AKT3: variants seen among roughly 807,000 people sequenced by gnomAD.
The protein encoded by AKT3 is AKT serine/threonine kinase 3.
AKT3 carries 15 observed loss-of-function variants against 65.3 expected under a neutral mutation model. The observed-to-expected ratio is 0.23, with a 90% CI of 0.15 to 0.35. The LOEUF (loss-of-function observed/expected upper bound fraction) is 0.35, where lower values mean the gene tolerates loss of function less well. Ranked by LOEUF, AKT3 falls within the 10% of genes least tolerant of loss-of-function variation. AKT3 has a pLI of 1.00. For synonymous variants in AKT3, 206 were observed against 183.8 expected (o/e 1.12, Z -0.98); for missense variants, 243 against 576.5 (o/e 0.42, Z 5.92).
chr1:243,585,215 C>A (rs772989850), intron 8 of AKT3, among the ~76,000 whole-genome samples: 2 of 151,998 alleles, frequency 1.3e-5, no homozygotes, highest in African/African-American at 4.8e-5. Context: ...CTACAAGACA[C>A]CGTTAAAAGA....
intron 3 of AKT3, among the ~76,000 whole-genome samples, chr1:243,680,417 T>A (rs542061915): frequency 6.6e-6 from 1 of 152,180 alleles, no homozygotes; most frequent in Non-Finnish European, 1.5e-5. Flanking sequence ...GGCACCCTAG[T>A]CTCTTTTCTC....
intron 2 of AKT3, among the ~76,000 whole-genome samples, chr1:243,784,640 G>T (rs1356195913): frequency 6.6e-6 from 1 of 152,164 alleles, no homozygotes. Context: ...CCTCATGCCG[G>T]GTGATACTGC....
At chr1:243,528,118 T>C (rs1279905680) in intron 12 of AKT3, among the ~76,000 whole-genome samples, 1 of 152,196 alleles carries the variant, frequency 6.6e-6, no homozygotes, top group Admixed American at 6.5e-5. Flanking sequence ...AGGTTAGCTA[T>C]GCTTCAGAGA....
intron 2 of AKT3, among the ~76,000 whole-genome samples, chr1:243,726,323 T>C (rs1009578118): frequency 1.2e-4 from 19 of 152,190 alleles, no homozygotes; most frequent in Non-Finnish European, 2.6e-4. Flanking sequence ...GGAAAAATTA[T>C]CTGGATGAAG....
At chr1:243,797,573 C>A (rs1692099157) in intron 2 of AKT3, among the ~76,000 whole-genome samples, 1 of 152,284 alleles carries the variant, frequency 6.6e-6, no homozygotes, top group East Asian at 1.9e-4. Flanking sequence ...TAGCACCTCC[C>A]AATCCCAACA....
intron 2 of AKT3, among the ~76,000 whole-genome samples, chr1:243,697,619 T>C (rs1003445860): frequency 4.6e-5 from 7 of 152,090 alleles, no homozygotes; most frequent in African/African-American, 1.4e-4. Flanking sequence ...ATTGGTCACA[T>C]AGAAAACCCT....
chr1:243,664,606 T>G (rs963991019), intron 4 of AKT3, among the ~76,000 whole-genome samples, 166 bp downstream of exon 4: 1 of 152,168 alleles, frequency 6.6e-6, no homozygotes, highest in Non-Finnish European at 1.5e-5. Context: ...AAATATTATT[T>G]TGTAAGCCAC....
chr1:243,799,410 T>C (rs1692245096), intron 2 of AKT3, among the ~76,000 whole-genome samples: 2 of 152,176 alleles, frequency 1.3e-5, no homozygotes, highest in African/African-American at 4.8e-5. Context: ...AACTGCACAT[T>C]TACCACAAAA....
chr1:243,849,288 C>A (rs1018996885), intron 1 of AKT3, among the ~76,000 whole-genome samples: 9 of 152,284 alleles, frequency 5.9e-5, no homozygotes, highest in Admixed American at 5.9e-4. Context: ...CCAGCATCTT[C>A]CGCACATTTC....
intron 6 of AKT3, among the ~76,000 whole-genome samples, chr1:243,629,230 T>G (rs1679411940): frequency 6.6e-6 from 1 of 152,018 alleles, no homozygotes; most frequent in East Asian, 1.9e-4. Context: ...GAGCTGAGTT[T>G]GCACCATTGC....
chr1:243,751,160 G>C (rs1281919227), intron 2 of AKT3, among the ~76,000 whole-genome samples: 1 of 150,578 alleles, frequency 6.6e-6, no homozygotes, highest in Non-Finnish European at 1.5e-5. Flanking sequence ...AAAAAAAAAA[G>C]ACTCTGAAAG....
chr1:243,627,679 C>T (rs1679284584), intron 6 of AKT3, among the ~76,000 whole-genome samples: 1 of 152,196 alleles, frequency 6.6e-6, no homozygotes, highest in Admixed American at 6.5e-5. Flanking sequence ...CAGGGTCTAA[C>T]CAAACTGTGA....
rs1572326962 is a variant in AKT3 at position 243,774,237 on chromosome 1, C to A, written c.46+68888G>T. ...TTACACTGTGAAATATAAACACCTG[C>A]CATAGTTCTACATACTACAAACTTT... On this transcript the variant is annotated intron_variant, in intron 2 of 13. Transcript: ENST00000673466. Among the ~76,000 whole-genome samples the A allele has an allele frequency of 2.0e-5, 3 of 152,178 alleles. No homozygotes were observed. The South Asian group carries it at 6.2e-4, about 32-fold the overall frequency.
In AKT3 at chr1:243,682,345, A is replaced by G. The variant is rs755678240; in HGVS notation, c.172+13246T>C. Among the ~76,000 whole-genome samples, 95 of 152,270 alleles carry G rather than the reference A, an allele frequency of 6.2e-4. 1 individual carries two copies. Among genetic ancestry groups the G allele is most frequent in the Admixed American group, 5.9e-4 (9 of 15,288 alleles). On this transcript the variant is annotated intron_variant, in intron 3 of 13. Coordinates refer to ENST00000673466, the MANE Select transcript of AKT3 (RefSeq NM_005465.7). ...AAATAAATATATAAAGAGATAATGT[A>G]CCACCTTCCAAGCTACAGTTTATAA...
chr1:243,849,909 G>A, intron 1 of AKT3, 131 bp downstream of exon 1: 1 of 669,088 alleles, frequency 1.5e-6, no homozygotes, highest in Non-Finnish European at 1.8e-6. Flanking sequence ...CAACCCAGAA[G>A]CCCCCGCCTC....
intron 2 of AKT3, among the ~76,000 whole-genome samples, chr1:243,834,763 C>G (rs544659817): frequency 6.6e-6 from 1 of 151,356 alleles, no homozygotes; most frequent in Non-Finnish European, 1.5e-5. Context: ...AGGAAAAGTT[C>G]TTCAGGTGAA....
At chr1:243,833,771 A>C (rs1337284806) in intron 2 of AKT3, among the ~76,000 whole-genome samples, 4 of 151,726 alleles carry the variant, frequency 2.6e-5, no homozygotes, top group African/African-American at 9.7e-5. Flanking sequence ...TTCAAAAATG[A>C]AGATGAGCCC....
intron 8 of AKT3, among the ~76,000 whole-genome samples, chr1:243,592,292 G>A (rs1336448164): frequency 2.6e-5 from 4 of 151,512 alleles, no homozygotes; most frequent in African/African-American, 9.7e-5. Flanking sequence ...CCCAGATCAC[G>A]TCACTGCACT....
chr1:243,584,272 GAC>G (rs1331878350), intron 8 of AKT3, among the ~76,000 whole-genome samples: 2 of 152,022 alleles, frequency 1.3e-5, no homozygotes, highest in Non-Finnish European at 2.9e-5. Flanking sequence ...GGAACAAATT[GAC>G]ACACTGTACA....
Sources: gnomAD v4.1 joint callset for allele counts (sites outside exome capture counted in the v4.1 genomes callset) on GRCh38, gnomAD v4.1.1 for gene constraint, MANE v1.5 for transcripts, NCBI Gene and HGNC (gene_info 2026-07-23, HGNC 2026-07-21) for gene names.